ACAP2: variants seen among roughly 807,000 people sequenced by gnomAD.
ACAP2 encodes the protein ArfGAP with coiled-coil, ankyrin repeat and PH domains 2.
A neutral mutation model predicts 115.8 loss-of-function variants in ACAP2; 39 were observed. That is an observed-to-expected ratio of 0.34 (90% CI 0.26 to 0.44). The LOEUF (loss-of-function observed/expected upper bound fraction) is 0.44. Ranked by LOEUF, ACAP2 falls within the 20% of genes least tolerant of loss-of-function variation. The probability of loss-of-function intolerance (pLI) is 1.00; values close to 1 mark genes in which losing one functional copy is unlikely to be tolerated. For synonymous variants in ACAP2, 289 were observed against 315.8 expected (o/e 0.92, Z 0.90); for missense variants, 662 against 927.6 (o/e 0.71, Z 3.72).
chr3:195,288,641 TG>T (rs1254812450), intron 21 of ACAP2, among the ~76,000 whole-genome samples: 2 of 151,910 alleles, frequency 1.3e-5, no homozygotes, highest in Non-Finnish European at 2.9e-5. Flanking sequence ...GTGGATCACC[TG>T]AGGTCAGGAG....
chr3:195,321,301 C>T (rs928486704), intron 9 of ACAP2, among the ~76,000 whole-genome samples: 2 of 143,272 alleles, frequency 1.4e-5, no homozygotes, highest in African/African-American at 5.2e-5. Flanking sequence ...CAGCTCACTA[C>T]AACCTCTGCC....
intron 10 of ACAP2, among the ~76,000 whole-genome samples, chr3:195,314,978 C>G (rs1201018518): frequency 6.6e-6 from 1 of 152,182 alleles, no homozygotes; most frequent in African/African-American, 2.4e-5. Context: ...TATCTATCAC[C>G]TAGAAAATAC....
chr3:195,338,135 T>C (rs781122151), intron 6 of ACAP2, among the ~76,000 whole-genome samples: 3 of 152,214 alleles, frequency 2.0e-5, no homozygotes, highest in Non-Finnish European at 2.9e-5. Flanking sequence ...ACCTCATTTA[T>C]TTTACTCAGA....
intron 1 of ACAP2, among the ~76,000 whole-genome samples, chr3:195,404,747 C>A (rs1164809768): frequency 4.7e-5 from 7 of 148,322 alleles, no homozygotes; most frequent in Non-Finnish European, 1.0e-4. Context: ...TATATACACA[C>A]ATACGTATTT....
In ACAP2 at chr3:195,403,722, C is replaced by A. The variant is rs188673751; in HGVS notation, c.54-11575G>T. On this transcript the variant is annotated intron_variant, in intron 1 of 22. Transcript: ENST00000326793. ...AATAGTTACAATCAACGGAGATGGG[C>A]AAGACTACAGGCGGAACAGATTTAG... 2.6e-5 allele frequency among the ~76,000 whole-genome samples: 4 copies of A among 152,210 alleles called. No homozygotes were observed. The East Asian group carries it at 5.8e-4, about 22-fold the overall frequency.
chr3:195,284,459 T>C (rs1726713420), intron 22 of ACAP2, among the ~76,000 whole-genome samples: 1 of 152,194 alleles, frequency 6.6e-6, no homozygotes, highest in Non-Finnish European at 1.5e-5. Flanking sequence ...CGGAACATCA[T>C]GAGCCGCCTA....
At chr3:195,353,976 T>C (rs188335133) in intron 4 of ACAP2, among the ~76,000 whole-genome samples, 2 of 152,130 alleles carry the variant, frequency 1.3e-5, no homozygotes, top group South Asian at 4.1e-4. Context: ...TTTTTTCTGA[T>C]CCTCTCCCTC....
chr3:195,311,136 A>G (rs111928902), intron 10 of ACAP2, among the ~76,000 whole-genome samples: 3,140 of 139,850 alleles, frequency 0.022, 107 homozygotes, highest in East Asian at 0.11. Context: ...TCACTCTGTC[A>G]CCCAAGCTGG....
intron 1 of ACAP2, among the ~76,000 whole-genome samples, chr3:195,397,627 T>C (rs1341677956): frequency 1.3e-5 from 2 of 152,140 alleles, no homozygotes; most frequent in East Asian, 3.8e-4. Flanking sequence ...AGAAAACTTC[T>C]TGTGTTTGAA....
chr3:195,338,160 C>T (rs1362059003), intron 6 of ACAP2, among the ~76,000 whole-genome samples: 1 of 152,220 alleles, frequency 6.6e-6, no homozygotes, highest in Non-Finnish European at 1.5e-5. Context: ...TTATAACTAC[C>T]TTATATTTTC....
chr3:195,403,115 T>C (rs992085354), intron 1 of ACAP2, among the ~76,000 whole-genome samples: 3 of 152,090 alleles, frequency 2.0e-5, no homozygotes, highest in African/African-American at 7.2e-5. Flanking sequence ...ACTGAGAAAG[T>C]GACATTTGAC....
In ACAP2 at chr3:195,413,355, CA is replaced by C. The variant is rs900355870; in HGVS notation, c.54-21209del. On this transcript the variant is annotated intron_variant, in intron 1 of 22. Transcript: ENST00000326793. ...GAAGCCACAGACTGAAAATATTTACCAAAAAAAATTATATGTATATTTCTGA... is the reference window on the plus strand; with the variant it reads ...GAAGCCACAGACTGAAAATATTTACCAAAAAAATTATATGTATATTTCTGA... Among the ~76,000 whole-genome samples the C allele has an allele frequency of 1.7e-3, 261 of 151,382 alleles. 2 individuals are homozygous for C. The highest frequency in any genetic ancestry group is 5.8e-3 in the African/African-American group (240 of 41,290).
At chr3:195,399,120 C>T (rs910307894) in intron 1 of ACAP2, among the ~76,000 whole-genome samples, 1 of 152,110 alleles carries the variant, frequency 6.6e-6, no homozygotes, top group Admixed American at 6.6e-5. Context: ...GTAAGATTTC[C>T]TCCAGGCCCT....
In ACAP2 at chr3:195,279,322, A is replaced by C. The variant is rs1281357979; in HGVS notation, c.*6T>G. On this transcript the variant is annotated 3_prime_UTR_variant, in exon 23 of 23. Coordinates refer to ENST00000326793, the MANE Select transcript of ACAP2 (RefSeq NM_012287.6). ...AGATTTCATATTTTCCCATTTTTAAAAAAATTCAGAATTTCTGTGAATCTT... is the reference window on the plus strand; with the variant it reads ...AGATTTCATATTTTCCCATTTTTAACAAAATTCAGAATTTCTGTGAATCTT... 1 of 1,585,538 alleles carries C rather than the reference A, an allele frequency of 6.3e-7. No homozygotes were observed. Among genetic ancestry groups the C allele is most frequent in the Non-Finnish European group, 8.6e-7 (1 of 1,163,532 alleles).
intron 22 of ACAP2, chr3:195,282,077 C>A (rs1480838864): frequency 6.6e-6 from 1 of 152,150 alleles, no homozygotes; most frequent in African/African-American, 2.4e-5. Flanking sequence ...ACAGGTAGCA[C>A]CAGATGAGCA....
chr3:195,350,008 A>C (rs1731444913), intron 4 of ACAP2: 1 of 175,730 alleles, frequency 5.7e-6, no homozygotes, highest in Non-Finnish European at 1.2e-5. Context: ...AATCTGTCGA[A>C]AGTCAGTGTG....
chr3:195,354,170 T>G (rs1731796545), intron 4 of ACAP2, among the ~76,000 whole-genome samples: 1 of 152,212 alleles, frequency 6.6e-6, no homozygotes, highest in South Asian at 2.1e-4. Context: ...AAGGACATGA[T>G]CTCATTCTTT....
rs1012848416 is a variant in ACAP2 at position 195,427,019 on chromosome 3, G to A, written c.53+15776C>T. The stretch of plus-strand genomic sequence containing the variant: ...TACACGGCAAAGGGAAATTAAGGTT[G>A]CTATCATCTGACCTTGAGATTGGGA... On this transcript the variant is annotated intron_variant, in intron 1 of 22. Coordinates refer to ENST00000326793, the MANE Select transcript of ACAP2 (RefSeq NM_012287.6). 2.0e-5 allele frequency among the ~76,000 whole-genome samples: 3 copies of A among 151,478 alleles called. No individual in the cohort carries two copies. In the East Asian group the frequency reaches 5.9e-4, roughly 30 times the overall value.
chr3:195,333,209 A>T, intron 7 of ACAP2, 86 bp from the exon 8 acceptor site: 1 of 623,106 alleles, frequency 1.6e-6, no homozygotes, highest in Non-Finnish European at 2.4e-6. Flanking sequence ...AAAATATATA[A>T]AAGACAGGGT....
Sources: gnomAD v4.1 joint callset for allele counts (sites outside exome capture counted in the v4.1 genomes callset) on GRCh38, gnomAD v4.1.1 for gene constraint, MANE v1.5 for transcripts, NCBI Gene and HGNC (gene_info 2026-07-23, HGNC 2026-07-21) for gene names.